The following COL17A1 variants were observed in gnomAD, a reference collection of about 807,000 sequenced individuals.
The protein encoded by COL17A1 is collagen alpha-1(XVII) chain.
COL17A1 carries 181 observed loss-of-function variants against 218.4 expected under a neutral mutation model. The observed-to-expected ratio is 0.83, with a 90% CI of 0.73 to 0.94. The LOEUF is 0.94. COL17A1 is among the 40% of genes least tolerant of loss of function. The pLI, the probability that COL17A1 is intolerant of heterozygous loss-of-function variation, is 0.00. For missense variants in COL17A1, 1,924 were observed against 1,945.9 expected (o/e 0.99, Z 0.21); for synonymous variants, 721 against 731.0 (o/e 0.99, Z 0.22).
chr10:104,048,158 T>C (rs747961216), intron 29 of COL17A1, 54 bp from the exon 30 acceptor site: 1 of 1,591,870 alleles, frequency 6.3e-7, no homozygotes, highest in Middle Eastern at 1.7e-4. Context: ...TTTCTGCGAT[T>C]CCTCCCTCTA....
At chr10:104,043,318 T>C (rs2086378223) in intron 35 of COL17A1, among the ~76,000 whole-genome samples, 183 bp downstream of exon 35, 1 of 152,200 alleles carries the variant, frequency 6.6e-6, no homozygotes. Context: ...TGCTGTGAAG[T>C]AGGATAACTG....
rs745620757 is a variant in COL17A1, at chr10:104,050,141, G to A, written c.2129-17C>T. 1.3e-5 allele frequency: 21 copies of A among 1,614,076 alleles called. No homozygotes were observed. The highest frequency in any genetic ancestry group is 1.1e-4 in the East Asian group (5 of 44,880). On this transcript the variant is annotated splice_polypyrimidine_tract_variant and intron_variant, in intron 27 of 55. Transcript: ENST00000648076. ...CCTGGTCACCTAAAGCAAACAAGGGGGAGGTGGAAAAAGCCACAGTTGTGA... is the reference window on the plus strand; with the variant it reads ...CCTGGTCACCTAAAGCAAACAAGGGAGAGGTGGAAAAAGCCACAGTTGTGA...
chr10:104,049,346 T>A, intron 29 of COL17A1, 63 bp downstream of exon 29: 2 of 1,491,238 alleles, frequency 1.3e-6, no homozygotes, highest in South Asian at 1.1e-5. Flanking sequence ...GACGGATCTC[T>A]CCAGGGTCGT....
At chr10:104,067,380 C>G in intron 9 of COL17A1, among the ~76,000 whole-genome samples, 1 of 148,344 alleles carries the variant, frequency 6.7e-6, no homozygotes, top group East Asian at 2.0e-4. Flanking sequence ...TCCAGAGGAC[C>G]TAGTAGGGCA....
chr10:104,050,037 G>A (rs1377648625), intron 28 of COL17A1, 52 bp downstream of exon 28: 2 of 1,613,332 alleles, frequency 1.2e-6, no homozygotes, highest in African/African-American at 2.7e-5. Flanking sequence ...AGTGACTGAT[G>A]GATTTACAAA....
At chr10:104,062,180 G>A in intron 12 of COL17A1, 78 bp downstream of exon 12, 1 of 1,606,692 alleles carries the variant, frequency 6.2e-7, no homozygotes, top group Non-Finnish European at 8.5e-7. Context: ...GGACATTTTG[G>A]GTCTCCTAAT....
intron 23 of COL17A1, 59 bp downstream of exon 23, chr10:104,052,972 G>A (rs931191896): frequency 1.3e-6 from 2 of 1,582,220 alleles, no homozygotes; most frequent in Non-Finnish European, 1.7e-6. Flanking sequence ...GACGGGTGTT[G>A]ACAGAGAGAA....
At position 104,050,907 on chromosome 10, in the gene COL17A1, C is replaced by T. The variant is rs753688425; in HGVS notation, c.2039-6G>A. On this transcript the variant is annotated splice_region_variant and splice_polypyrimidine_tract_variant and intron_variant, in intron 25 of 55. Coordinates refer to ENST00000648076, the MANE Select transcript of COL17A1 (RefSeq NM_000494.4). ...CCCTTGGAGACCTACAGGACCTGCCCGGCAGAAGAAACCATGCACACAGAT... is the reference window on the plus strand; with the variant it reads ...CCCTTGGAGACCTACAGGACCTGCCTGGCAGAAGAAACCATGCACACAGAT... 1.3e-5 allele frequency: 21 copies of T among 1,614,098 alleles called. No homozygotes were observed. Among genetic ancestry groups the T allele is most frequent in the Admixed American group, 1.2e-4 (7 of 60,016 alleles).
At chr10:104,075,258 C>CA (rs2086699897) in intron 5 of COL17A1, among the ~76,000 whole-genome samples, 1 of 152,180 alleles carries the variant, frequency 6.6e-6, no homozygotes, top group Non-Finnish European at 1.5e-5. Flanking sequence ...TCAAATCCTG[C>CA]ATCACCCACT....
intron 28 of COL17A1, 127 bp downstream of exon 28, chr10:104,049,962 G>C: frequency 2.8e-6 from 4 of 1,442,626 alleles, no homozygotes; most frequent in Non-Finnish European, 1.9e-6. Flanking sequence ...GTTTTTTCTA[G>C]ATCACAAGTT....
At chr10:104,043,357 G>A in intron 35 of COL17A1, 144 bp downstream of exon 35, 1 of 767,592 alleles carries the variant, frequency 1.3e-6, no homozygotes, top group Non-Finnish European at 2.3e-6. Flanking sequence ...GAATGCAAGA[G>A]TTTGCTTTTC....
intron 11 of COL17A1, 99 bp from the exon 12 acceptor site, chr10:104,062,428 G>A: frequency 1.3e-6 from 2 of 1,529,060 alleles, no homozygotes; most frequent in South Asian, 2.3e-5. Flanking sequence ...CATGATCAAT[G>A]GTTTTGCCAA....
intron 31 of COL17A1, among the ~76,000 whole-genome samples, chr10:104,047,471 C>T (rs1009292167): frequency 6.6e-6 from 1 of 152,152 alleles, no homozygotes; most frequent in African/African-American, 2.4e-5. Context: ...ACTTAGTTAC[C>T]CAGAGGTGCC....
intron 29 of COL17A1, among the ~76,000 whole-genome samples, chr10:104,049,152 T>C (rs533073924): frequency 6.6e-6 from 1 of 152,038 alleles, no homozygotes; most frequent in Admixed American, 6.5e-5. Flanking sequence ...AGTGGGGAGC[T>C]CACAGGCAGC....
chr10:104,043,668 T>C lies in COL17A1; in HGVS notation c.2435-87A>G, dbSNP rs1167939180. 21 of 1,530,134 alleles carry C rather than the reference T, an allele frequency of 1.4e-5. No individual in the cohort carries two copies. The South Asian group carries it at 2.0e-4, about 15-fold the overall frequency. 94.8% of individuals were successfully genotyped at this position (1,530,134 alleles called of 1,614,324 possible). Reference sequence around the variant, plus strand: ...CCAAGCCAGGTTGTGGTGGGCAGCCTGGCATTTCTTCTTCTCATCGCTGCT... The same window carrying C: ...CCAAGCCAGGTTGTGGTGGGCAGCCCGGCATTTCTTCTTCTCATCGCTGCT... On this transcript the variant is annotated intron_variant, in intron 34 of 55. Coordinates refer to ENST00000648076, the MANE Select transcript of COL17A1 (RefSeq NM_000494.4).
At chr10:104,035,650 A>G in intron 48 of COL17A1, 87 bp from the exon 49 acceptor site, 1 of 1,061,024 alleles carries the variant, frequency 9.4e-7, no homozygotes, top group Non-Finnish European at 1.4e-6. Flanking sequence ...AGAGGTTTGG[A>G]CAGAAGTGGG....
At chr10:104,036,119 G>T (rs61861277) in intron 48 of COL17A1, among the ~76,000 whole-genome samples, 2 of 6,566 alleles carry the variant, frequency 3.0e-4, no homozygotes, top group Non-Finnish European at 7.0e-4. Flanking sequence ...TGTGTGTATG[G>T]GAGTGTGTGT....
intron 36 of COL17A1, among the ~76,000 whole-genome samples, chr10:104,042,120 C>A (rs1395541568): frequency 6.6e-6 from 1 of 152,182 alleles, no homozygotes; most frequent in African/African-American, 2.4e-5. Flanking sequence ...CCTGGGCCTG[C>A]AGCCGAGAAC....
At chr10:104,034,830 C>T (rs975465507) in intron 50 of COL17A1, 63 bp from the exon 51 acceptor site, 61 of 1,587,954 alleles carry the variant, frequency 3.8e-5, no homozygotes, top group Non-Finnish European at 4.9e-5. Flanking sequence ...AATTCCCAGC[C>T]TGTGCTCGGG....
Sources: allele counts gnomAD v4.1 joint callset (sites outside exome capture counted in the v4.1 genomes callset), GRCh38; gene constraint gnomAD v4.1.1; transcripts MANE v1.5; gene names NCBI Gene and HGNC (gene_info 2026-07-23, HGNC 2026-07-21).